The following GALNT18 variants were observed in gnomAD, a reference collection of about 807,000 sequenced individuals.
GALNT18 encodes GalNAc-transferase 18.
Under a neutral mutation model 69.5 loss-of-function variants are expected in GALNT18, and 44 were observed. The ratio of observed to expected loss-of-function variants is 0.63; its 90% CI spans 0.50 to 0.81. GALNT18 has a LOEUF of 0.81. Among genes scored for constraint, GALNT18 ranks in the 40% least tolerant of loss-of-function variants. The pLI is 0.00. For missense variants in GALNT18, 715 were observed against 810.0 expected (o/e 0.88, Z 1.42); for synonymous variants, 364 against 318.2 (o/e 1.14, Z -1.53).
rs113028497 is a variant in GALNT18, at chr11:11,307,184, T to A, written c.1513-13991A>T. Among the ~76,000 whole-genome samples, 1,320 of 151,952 alleles carry A rather than the reference T, an allele frequency of 8.7e-3. 23 individuals are homozygous for A. Among genetic ancestry groups the A allele is most frequent in the African/African-American group, 0.03 (1,240 of 41,446 alleles). On this transcript the variant is annotated intron_variant, in intron 9 of 10. Transcript: ENST00000227756. The stretch of plus-strand genomic sequence containing the variant: ...CCTGCTCTCAGGAAAAAAAAATGGA[T>A]GTGTCTCAGTCTACCAAATTTTGGG...
rs1177917287 is a variant in GALNT18, at chr11:11,341,491, C to T, written c.1093-487G>A. 6.6e-6 allele frequency among the ~76,000 whole-genome samples: 1 copy of T among 152,180 alleles called. No homozygotes were observed. The highest frequency in any genetic ancestry group is 1.5e-5 in the Non-Finnish European group (1 of 68,040). On this transcript the variant is annotated intron_variant, in intron 6 of 10. Transcript: ENST00000227756. This position sits in a 1 kb window ranked among gnomAD's most constrained non-coding sequence, Gnocchi z 6.3. Reference sequence around the variant, plus strand: ...CACCACAGAGAAGGGTGTCACCAGACACCCTTCTTCTAGTGCATCTTTCCG... The same window carrying T: ...CACCACAGAGAAGGGTGTCACCAGATACCCTTCTTCTAGTGCATCTTTCCG...
chr11:11,336,388 C>T (rs1365416244), intron 7 of GALNT18, among the ~76,000 whole-genome samples: 1 of 152,166 alleles, frequency 6.6e-6, no homozygotes, highest in African/African-American at 2.4e-5. Context: ...CAGAGGATGT[C>T]TGTCCAGCAT....
intron 1 of GALNT18, among the ~76,000 whole-genome samples, chr11:11,553,554 G>A (rs1056156280): frequency 7.0e-6 from 1 of 143,270 alleles, no homozygotes; most frequent in African/African-American, 2.5e-5. Context: ...CCTCCATGGA[G>A]GGGAGAGGAG....
chr11:11,433,575 C>A (rs188198601), intron 2 of GALNT18, among the ~76,000 whole-genome samples: 2 of 152,360 alleles, frequency 1.3e-5, no homozygotes, highest in Non-Finnish European at 2.9e-5. Flanking sequence ...CCCCTTAGCT[C>A]TGCTGAAATC....
chr11:11,461,333 T>A lies in GALNT18; in HGVS notation c.236-12397A>T, dbSNP rs975379402. 1.3e-5 allele frequency among the ~76,000 whole-genome samples: 2 copies of A among 152,134 alleles called. No homozygotes were observed. The highest frequency in any genetic ancestry group is 1.5e-5 in the Non-Finnish European group (1 of 68,010). Reference sequence around the variant, plus strand: ...CTCACAGAAGTGGAAATAGCCTTGATTAGAAATTATGCAGAATGAAAGCTG... The same window carrying A: ...CTCACAGAAGTGGAAATAGCCTTGAATAGAAATTATGCAGAATGAAAGCTG... On this transcript the variant is annotated intron_variant, in intron 1 of 10. Coordinates refer to ENST00000227756, the MANE Select transcript of GALNT18 (RefSeq NM_198516.3). The surrounding 1 kb of genome is among the most constrained non-coding windows in gnomAD (Gnocchi z 4.1).
At chr11:11,514,781 G>T (rs1013848498) in intron 1 of GALNT18, among the ~76,000 whole-genome samples, 3 of 152,198 alleles carry the variant, frequency 2.0e-5, no homozygotes, top group African/African-American at 7.2e-5. Flanking sequence ...GGCAGCAGAG[G>T]CAGGAGCAAC....
chr11:11,334,959 T>C lies in GALNT18; in HGVS notation c.1279-2128A>G, dbSNP rs901379936. 2.4e-4 allele frequency among the ~76,000 whole-genome samples: 37 copies of C among 152,250 alleles called. 1 individual carries two copies. Among genetic ancestry groups the C allele is most frequent in the Non-Finnish European group, 2.9e-5 (2 of 68,046 alleles). On this transcript the variant is annotated intron_variant, in intron 7 of 10. Coordinates refer to ENST00000227756, the MANE Select transcript of GALNT18 (RefSeq NM_198516.3). ...CCGACCCTAAAGCATTCATTAAGTATTAACCCTTCACACTCCATGGTACTT... is the reference window on the plus strand; with the variant it reads ...CCGACCCTAAAGCATTCATTAAGTACTAACCCTTCACACTCCATGGTACTT...
Position 11,271,217 on chromosome 11 carries a change from A to T in GALNT18, c.1751T>A (p.Phe584Tyr). Residue 584 changes from phenylalanine (F) to tyrosine (Y), a missense_variant, in exon 11 of 11, where the codon TTC (phenylalanine) becomes TAC (tyrosine). By Grantham distance (22) the Phe-to-Tyr change is conservative (BLOSUM62 3). Transcript: ENST00000227756. ...LQENSDLEFG[F>Y]QLVLQKCSGQ... ...CGAGCACTTCTGCAACACCAGCTGG[A>T]AGCCGAACTCCAGGTCGCTATTCTC... The T allele has an allele frequency of 6.2e-7, 1 of 1,614,152 alleles. No homozygotes were observed. Among genetic ancestry groups the T allele is most frequent in the East Asian group, 2.2e-5 (1 of 44,856 alleles).
chr11:11,411,889 G>C (rs117385496), intron 3 of GALNT18, among the ~76,000 whole-genome samples: 1 of 152,216 alleles, frequency 6.6e-6, no homozygotes. Flanking sequence ...CCGAGGCAAG[G>C]CTGGAATTTT....
At chr11:11,278,737 G>GT (rs1365427429) in intron 10 of GALNT18, among the ~76,000 whole-genome samples, 1 of 152,086 alleles carries the variant, frequency 6.6e-6, no homozygotes, top group African/African-American at 2.4e-5. Flanking sequence ...AGCAGGGATG[G>GT]TTAATAGGTA....
rs1564979378 is a variant in GALNT18, at chr11:11,497,363, CA to C, written c.236-48428del. Among the ~76,000 whole-genome samples, 274 of 150,766 alleles carry C rather than the reference CA, an allele frequency of 1.8e-3. No homozygotes were observed. The highest frequency in any genetic ancestry group is 6.3e-3 in the African/African-American group (259 of 41,070). ...ACACACACACACACACACACACACA[CA>C]CACACACCCCTTAGAATGGGGCTCC... On this transcript the variant is annotated intron_variant, in intron 1 of 10. Coordinates refer to ENST00000227756, the MANE Select transcript of GALNT18 (RefSeq NM_198516.3). This position sits in a 1 kb window ranked among gnomAD's most constrained non-coding sequence, Gnocchi z 4.2.
rs1856878584 is a variant in GALNT18, at chr11:11,497,075, A to C, written c.236-48139T>G. ...CCTTCCTGCTTCCAGGCTCATTCCC[A>C]CCTCAGGGCCTTTGCACCTGCTGTT... On this transcript the variant is annotated intron_variant, in intron 1 of 10. Coordinates refer to ENST00000227756, the MANE Select transcript of GALNT18 (RefSeq NM_198516.3). The surrounding 1 kb of genome is among the most constrained non-coding windows in gnomAD (Gnocchi z 4.2). 6.6e-6 allele frequency among the ~76,000 whole-genome samples: 1 copy of C among 151,472 alleles called. No homozygotes were observed. The highest frequency in any genetic ancestry group is 2.4e-5 in the African/African-American group (1 of 41,158).
intron 1 of GALNT18, among the ~76,000 whole-genome samples, chr11:11,510,859 T>C (rs1003674408): frequency 1.3e-5 from 2 of 152,224 alleles, no homozygotes; most frequent in African/African-American, 4.8e-5. Flanking sequence ...GTCCCAGAGC[T>C]CAGCCCTATA....
intron 9 of GALNT18, among the ~76,000 whole-genome samples, chr11:11,310,840 G>T (rs1338283066): frequency 6.6e-6 from 1 of 152,304 alleles, no homozygotes; most frequent in African/African-American, 2.4e-5. Flanking sequence ...TCAAATATAA[G>T]AATCCATTTA....
intron 3 of GALNT18, among the ~76,000 whole-genome samples, chr11:11,426,521 T>G (rs1396398886): frequency 1.3e-5 from 2 of 152,240 alleles, no homozygotes; most frequent in Non-Finnish European, 2.9e-5. Context: ...CCATATTTAT[T>G]GAACAACTAC....
In GALNT18 at chr11:11,584,132, A is replaced by G. The variant is rs1351743084; in HGVS notation, c.235+37227T>C. On this transcript the variant is annotated intron_variant, in intron 1 of 10. Coordinates refer to ENST00000227756, the MANE Select transcript of GALNT18 (RefSeq NM_198516.3). This position sits in a 1 kb window ranked among gnomAD's most constrained non-coding sequence, Gnocchi z 4.1. ...GAGAAGTAAAAAGGGGAAGTAGAAG[A>G]AGCGGCCCCTGAGATTCCAGGGAAC... Among the ~76,000 whole-genome samples the G allele has an allele frequency of 2.6e-5, 4 of 152,080 alleles. No homozygotes were observed. Among genetic ancestry groups the G allele is most frequent in the Non-Finnish European group, 5.9e-5 (4 of 68,018 alleles).
chr11:11,572,988 T>C (rs969846977), intron 1 of GALNT18, among the ~76,000 whole-genome samples: 5 of 152,116 alleles, frequency 3.3e-5, no homozygotes, highest in Admixed American at 2.6e-4. Context: ...AAGTGGTCAC[T>C]TCTCTTAGTC....
At position 11,372,694 on chromosome 11, in the gene GALNT18, G is replaced by A; in HGVS notation, c.978-65C>T. 1.6e-6 allele frequency: 2 copies of A among 1,249,944 alleles called. No individual in the cohort carries two copies. Among genetic ancestry groups the A allele is most frequent in the Admixed American group, 1.7e-5 (1 of 57,288 alleles). 77.4% of individuals were successfully genotyped at this position (1,249,944 alleles called of 1,614,324 possible). A position where few individuals can be genotyped will look rare whatever the true frequency, so the allele number is the denominator to read the frequency against. On this transcript the variant is annotated intron_variant, in intron 5 of 10. Coordinates refer to ENST00000227756, the MANE Select transcript of GALNT18 (RefSeq NM_198516.3). This position sits in a 1 kb window ranked among gnomAD's most constrained non-coding sequence, Gnocchi z 4.9. ...GCTGTCCGAGGAGTAAGAGCAGTAA[G>A]GCCTTCCTATCAGGAGGGTCTGGTT...
intron 1 of GALNT18, among the ~76,000 whole-genome samples, chr11:11,611,516 G>C (rs567122680): frequency 6.6e-6 from 1 of 152,260 alleles, no homozygotes; most frequent in South Asian, 2.1e-4. Flanking sequence ...CCGTTGCTAG[G>C]AGTTATCATG....
Sources: allele counts gnomAD v4.1 joint callset (sites outside exome capture counted in the v4.1 genomes callset), GRCh38; gene constraint gnomAD v4.1.1; non-coding constraint Gnocchi (gnomAD v3.1); transcripts MANE v1.5; gene names NCBI Gene and HGNC (gene_info 2026-07-23, HGNC 2026-07-21).